The following RFX8 variants were observed in gnomAD, a reference collection of about 807,000 sequenced individuals.
The protein encoded by RFX8 is DNA-binding protein RFX8.
RFX8 carries 46 observed loss-of-function variants against 54.6 expected under a neutral mutation model. The observed-to-expected ratio is 0.84, with a 90% CI of 0.67 to 1.08. The LOEUF is 1.08. Among genes scored for constraint, RFX8 ranks in the 50% least tolerant of loss-of-function variants. The pLI, the probability that RFX8 is intolerant of heterozygous loss-of-function variation, is 0.00. For synonymous variants in RFX8, 192 were observed against 209.5 expected, an observed-to-expected ratio of 0.92 and a Z score of 0.72; for missense variants, 536 against 562.3, an observed-to-expected ratio of 0.95 and a Z score of 0.47.
intron 2 of RFX8, among the ~76,000 whole-genome samples, chr2:101,466,251 G>C (rs1284629626): frequency 1.3e-5 from 2 of 150,454 alleles, no homozygotes; most frequent in African/African-American, 2.4e-5. Flanking sequence ...GGAGGTTGCA[G>C]TGAGCCAAGA....
chr2:101,454,343 G>A (rs7606443), intron 2 of RFX8, among the ~76,000 whole-genome samples: 52,498 of 152,078 alleles, frequency 0.35, 9,738 homozygotes, highest in African/African-American at 0.44. Context: ...TGTGAATAGT[G>A]CTATAATAAA....
intron 2 of RFX8, among the ~76,000 whole-genome samples, chr2:101,429,290 CCTG>C (rs1384546613): frequency 1.3e-5 from 2 of 152,116 alleles, no homozygotes; most frequent in East Asian, 3.9e-4. Context: ...AGAATTCGCT[CCTG>C]TGGGAAAAGA....
At chr2:101,461,262 C>CAAAAAAAAAAAAAAAAAAAAAAAAAAA (rs11350961) in intron 2 of RFX8, among the ~76,000 whole-genome samples, 1 of 89,906 alleles carries the variant, frequency 1.1e-5, no homozygotes. Flanking sequence ...GACTCCATCT[C>CAAAAAAAAAAAAAAAAAAAAAAAAAAA]AAAAAAAAAA....
At chr2:101,452,540 T>C (rs4851450) in intron 2 of RFX8, 146,007 of 458,382 alleles carry the variant, frequency 0.32, 24,893 homozygotes, top group African/African-American at 0.44. Flanking sequence ...ATATTCCTTT[T>C]CCTCTTTTCT....
chr2:101,469,048 ATATATACG>A (rs1435241909), intron 1 of RFX8, among the ~76,000 whole-genome samples: 720 of 41,106 alleles, frequency 0.018, 46 homozygotes, highest in East Asian at 0.044. Flanking sequence ...ATATGTATAT[ATATATACG>A]TATATATATG....
In RFX8 at chr2:101,397,599, T is replaced by C; in HGVS notation, c.1371A>G (p.Val457=). The change falls in exon 12 of 12, where the codon GTA becomes GTG. Residue 457 remains valine, a synonymous_variant. Coordinates refer to ENST00000428343, the MANE Select transcript of RFX8 (RefSeq NM_001145664.2). ...GQQFVIQISD[V]PQSSEDIYFR... is the part of the protein sequence containing the mutation. ...AATAAATATCTTCAGAGCTTTGGGG[T>C]ACATCTGATATCTGAATCACAAATT... is the stretch of plus-strand genomic sequence containing the variant. The C allele has an allele frequency of 6.4e-7, 1 of 1,550,742 alleles. No homozygotes were observed. Among genetic ancestry groups the C allele is most frequent in the South Asian group, 1.2e-5 (1 of 83,948 alleles).
At chr2:101,462,568 G>A (rs1689341000) in intron 2 of RFX8, among the ~76,000 whole-genome samples, 1 of 152,182 alleles carries the variant, frequency 6.6e-6, no homozygotes, top group South Asian at 2.1e-4. Context: ...ATAAAAGTTA[G>A]TATTTCTTGG....
At chr2:101,461,262 C>CAAAAAAAAAAAA (rs11350961) in intron 2 of RFX8, among the ~76,000 whole-genome samples, 24 of 89,900 alleles carry the variant, frequency 2.7e-4, no homozygotes, top group Admixed American at 5.7e-4. Context: ...GACTCCATCT[C>CAAAAAAAAAAAA]AAAAAAAAAA....
chr2:101,421,209 C>T, intron 4 of RFX8: 1 of 977,472 alleles, frequency 1.0e-6, no homozygotes. Context: ...CACTTGTTTC[C>T]TTGGATTTTC....
At chr2:101,473,919 C>A (rs1246616611) in intron 1 of RFX8, among the ~76,000 whole-genome samples, 1 of 152,200 alleles carries the variant, frequency 6.6e-6, no homozygotes, top group Non-Finnish European at 1.5e-5. Context: ...CGGGTCCCCG[C>A]GGGGCAGACC....
rs138073787 is a variant in RFX8, at chr2:101,452,220, CA to C, written c.72+14556del. On this transcript the variant is annotated intron_variant, in intron 2 of 11. Coordinates refer to ENST00000428343, the MANE Select transcript of RFX8 (RefSeq NM_001145664.2). ...AGAGGCCAGTGTTTGGTTCTAGCAC[CA>C]ACTCAATGATTTCAGGCACTGGGAA... 1.2e-4 allele frequency among the ~76,000 whole-genome samples: 18 copies of C among 152,212 alleles called. No individual in the cohort carries two copies. The East Asian group carries it at 3.5e-3, about 29-fold the overall frequency.
intron 8 of RFX8, 97 bp downstream of exon 8, chr2:101,412,818 C>A (rs1159347746): frequency 8.5e-7 from 1 of 1,170,296 alleles, no homozygotes; most frequent in South Asian, 1.6e-5. Context: ...TTATAAAGTT[C>A]TACCCCTATT....
At chr2:101,422,601 A>G (rs1235884153) in intron 2 of RFX8, 129 bp from the exon 3 acceptor site, 4 of 587,008 alleles carry the variant, frequency 6.8e-6, no homozygotes, top group Non-Finnish European at 9.1e-6. Flanking sequence ...CTCTGCACAC[A>G]TTACTGATTC....
intron 2 of RFX8, among the ~76,000 whole-genome samples, chr2:101,458,122 T>A (rs1043342312): frequency 2.6e-5 from 4 of 152,146 alleles, no homozygotes; most frequent in Non-Finnish European, 5.9e-5. Context: ...ATGAGATGGG[T>A]CTCCTGAATA....
chr2:101,472,420 T>C lies in RFX8; in HGVS notation c.-53+2216A>G, dbSNP rs142276721. 8.8e-4 allele frequency among the ~76,000 whole-genome samples: 134 copies of C among 152,168 alleles called. 1 individual carries two copies. In the East Asian group the frequency reaches 0.01, roughly 11 times the overall value. On this transcript the variant is annotated intron_variant, in intron 1 of 11. Coordinates refer to ENST00000428343, the MANE Select transcript of RFX8 (RefSeq NM_001145664.2). ...CCCGGCCTCAACGATCTGTTAAACA[T>C]ACCACCTCATCAACTGGATGATTTC...
At chr2:101,427,535 G>A (rs1573406288) in intron 2 of RFX8, among the ~76,000 whole-genome samples, 1 of 152,326 alleles carries the variant, frequency 6.6e-6, no homozygotes, top group African/African-American at 2.4e-5. Context: ...CGAACATGTT[G>A]ATCTTAGTCT....
chr2:101,450,726 A>G (rs904814705), intron 2 of RFX8: 15 of 996,496 alleles, frequency 1.5e-5, no homozygotes, highest in African/African-American at 4.8e-5. Flanking sequence ...AACTACTGAC[A>G]TGCTTTATGG....
At chr2:101,403,116 C>A (rs376728992) in intron 10 of RFX8, among the ~76,000 whole-genome samples, 6 of 152,318 alleles carry the variant, frequency 3.9e-5, no homozygotes, top group African/African-American at 1.2e-4. Flanking sequence ...ACAGGAATGT[C>A]CAGAAGGGGT....
intron 2 of RFX8, among the ~76,000 whole-genome samples, chr2:101,453,601 A>G (rs553523944): frequency 2.8e-4 from 43 of 152,132 alleles, no homozygotes; most frequent in Non-Finnish European, 5.6e-4. Context: ...AAAACAAAAA[A>G]CCCTCAATGT....
Sources: gnomAD v4.1 joint callset for allele counts (sites outside exome capture counted in the v4.1 genomes callset) on GRCh38, gnomAD v4.1.1 for gene constraint, MANE v1.5 for transcripts, NCBI Gene and HGNC (gene_info 2026-07-23, HGNC 2026-07-21) for gene names.